The following OPCML variants were observed in gnomAD, a reference collection of about 807,000 sequenced individuals.
OPCML encodes opioid-binding protein/cell adhesion molecule.
In OPCML, 13 loss-of-function variants were observed where a neutral mutation model predicts 37.8. That is an observed-to-expected ratio of 0.34 (90% confidence interval 0.22 to 0.55). OPCML has a LOEUF of 0.55. Among genes scored for constraint, OPCML ranks in the 20% least tolerant of loss-of-function variants. The pLI is 0.91. For synonymous variants in OPCML, 176 were observed against 168.8 expected (o/e 1.04, Z -0.33); for missense variants, 341 against 435.6 (o/e 0.78, Z 1.93).
At chr11:132,778,478 A>G (rs573301665) in intron 2 of OPCML, among the ~76,000 whole-genome samples, 101 of 152,378 alleles carry the variant, frequency 6.6e-4, no homozygotes, top group Non-Finnish European at 1.2e-3. Flanking sequence ...ATTTAGTGTA[A>G]AGATAAAATA....
At chr11:133,408,563 CA>C (rs1945573331) in intron 1 of OPCML, among the ~76,000 whole-genome samples, 1 of 152,204 alleles carries the variant, frequency 6.6e-6, no homozygotes, top group Non-Finnish European at 1.5e-5. Flanking sequence ...GTGGCTGGAG[CA>C]TCTCCCAGCA....
intron 3 of OPCML, among the ~76,000 whole-genome samples, chr11:132,648,134 C>T (rs1213395713): frequency 6.6e-6 from 1 of 152,206 alleles, no homozygotes; most frequent in African/African-American, 2.4e-5. Context: ...GGATGCTAAA[C>T]AGTGACTGAC....
intron 1 of OPCML, among the ~76,000 whole-genome samples, chr11:133,222,735 A>G (rs970266358): frequency 6.6e-6 from 1 of 152,068 alleles, no homozygotes; most frequent in Non-Finnish European, 1.5e-5. Context: ...TCAGCAATTT[A>G]TATACAAAAT....
chr11:133,512,545 G>C (rs1399371238), intron 1 of OPCML, among the ~76,000 whole-genome samples: 2 of 152,134 alleles, frequency 1.3e-5, no homozygotes, highest in East Asian at 1.9e-4. Context: ...CTGGTGATTA[G>C]CTCAACCTTC....
chr11:133,441,203 A>C (rs867116338), intron 1 of OPCML, among the ~76,000 whole-genome samples: 1 of 152,206 alleles, frequency 6.6e-6, no homozygotes, highest in Middle Eastern at 3.4e-3. Flanking sequence ...ACACACAGAC[A>C]GTAAAGTGCA....
At chr11:133,098,065 A>G (rs1289297514) in intron 1 of OPCML, among the ~76,000 whole-genome samples, 2 of 152,230 alleles carry the variant, frequency 1.3e-5, no homozygotes, top group African/African-American at 4.8e-5. Context: ...AGATACTACA[A>G]GGAAAGAAAA....
chr11:133,140,580 G>GAAGAAAA (rs992557651), intron 1 of OPCML, among the ~76,000 whole-genome samples: 2 of 116,016 alleles, frequency 1.7e-5, no homozygotes, highest in Admixed American at 8.6e-5. Flanking sequence ...GAAGAAGAAA[G>GAAGAAAA]AAGAAAAAAG....
At chr11:132,762,665 C>A (rs1346170482) in intron 2 of OPCML, among the ~76,000 whole-genome samples, 5 of 152,294 alleles carry the variant, frequency 3.3e-5, no homozygotes, top group African/African-American at 1.2e-4. Flanking sequence ...CCCGTCCCCC[C>A]ACCAAGCTCG....
At chr11:133,419,338 G>C in intron 1 of OPCML, 1 of 985,390 alleles carries the variant, frequency 1.0e-6, no homozygotes, top group Non-Finnish European at 1.2e-6. Context: ...CTCAGGTTAA[G>C]TCACTGATAG....
At chr11:133,330,924 C>T (rs1943604360) in intron 1 of OPCML, among the ~76,000 whole-genome samples, 4 of 152,030 alleles carry the variant, frequency 2.6e-5, no homozygotes, top group Admixed American at 2.6e-4. Flanking sequence ...ATGAGACAAC[C>T]GAAGTTCAAA....
At chr11:132,434,415 G>A (rs999513959) in intron 7 of OPCML, among the ~76,000 whole-genome samples, 2 of 152,168 alleles carry the variant, frequency 1.3e-5, no homozygotes, top group African/African-American at 2.4e-5. Flanking sequence ...ATGCCTCAGC[G>A]ACTGTGTAAG....
intron 3 of OPCML, among the ~76,000 whole-genome samples, chr11:132,575,245 C>T (rs562110577): frequency 6.6e-6 from 1 of 152,098 alleles, no homozygotes; most frequent in South Asian, 2.1e-4. Context: ...TTTGATTAAG[C>T]TAAGTATTGA....
At chr11:133,530,041 G>C (rs796129715) in intron 1 of OPCML, among the ~76,000 whole-genome samples, 9 of 152,302 alleles carry the variant, frequency 5.9e-5, no homozygotes, top group African/African-American at 1.4e-4. Context: ...TTCAGAAAGA[G>C]GGCATGTTGC....
At chr11:132,952,347 G>C (rs549502828) in intron 1 of OPCML, among the ~76,000 whole-genome samples, 1 of 152,122 alleles carries the variant, frequency 6.6e-6, no homozygotes, top group Non-Finnish European at 1.5e-5. Context: ...ACATACCACA[G>C]AACACAACAC....
chr11:133,097,874 A>T (rs1949027162), intron 1 of OPCML, among the ~76,000 whole-genome samples: 1 of 152,228 alleles, frequency 6.6e-6, no homozygotes, highest in Admixed American at 6.5e-5. Context: ...AATAGTTAAT[A>T]GTTTAATAAA....
At chr11:132,431,372 G>A (rs978117971) in intron 7 of OPCML, among the ~76,000 whole-genome samples, 10 of 152,208 alleles carry the variant, frequency 6.6e-5, no homozygotes, top group Non-Finnish European at 1.0e-4. Context: ...CTGGAACCCC[G>A]TGTTCCTTGC....
At chr11:133,486,425 A>G (rs1319413942) in intron 1 of OPCML, among the ~76,000 whole-genome samples, 31 of 151,802 alleles carry the variant, frequency 2.0e-4, no homozygotes. Flanking sequence ...ACTACCAACA[A>G]CTTCCTACAC....
intron 2 of OPCML, among the ~76,000 whole-genome samples, chr11:132,836,577 C>T (rs1287740328): frequency 6.6e-6 from 1 of 152,100 alleles, no homozygotes; most frequent in Admixed American, 6.5e-5. Flanking sequence ...TATGACAGCT[C>T]AAATCAAGAG....
chr11:133,279,335 A>G (rs1942077031), intron 1 of OPCML, among the ~76,000 whole-genome samples: 1 of 152,152 alleles, frequency 6.6e-6, no homozygotes, highest in African/African-American at 2.4e-5. Flanking sequence ...AAAATGCCTG[A>G]TGCTGCTCTC....
Sources: gnomAD v4.1 joint callset for allele counts (sites outside exome capture counted in the v4.1 genomes callset) on GRCh38, gnomAD v4.1.1 for gene constraint, MANE v1.5 for transcripts, NCBI Gene and HGNC (gene_info 2026-07-23, HGNC 2026-07-21) for gene names.